USP6: variants seen among roughly 807,000 people sequenced by gnomAD.
USP6 encodes the protein ubiquitin carboxyl-terminal hydrolase 6.
In USP6, 128 loss-of-function variants were observed where a neutral mutation model predicts 175.7. That is an observed-to-expected ratio of 0.73 (90% CI 0.63 to 0.84). The LOEUF is 0.84. USP6 is among the 40% of genes least tolerant of loss of function. USP6 has a pLI of 0.00. For synonymous variants in USP6, 562 were observed against 630.6 expected (o/e 0.89, Z 1.63); for missense variants, 1,498 against 1,760.3 (o/e 0.85, Z 2.67).
chr17:5,124,387 G>A (rs1046576757), intron 4 of USP6, among the ~76,000 whole-genome samples, 179 bp from the exon 5 acceptor site: 1 of 152,194 alleles, frequency 6.6e-6, no homozygotes, highest in African/African-American at 2.4e-5. Flanking sequence ...GCTGTTGCCT[G>A]GCTTTCCAGA....
chr17:5,133,955 T>C lies in USP6; in HGVS notation c.453T>C (p.Thr151=). The C allele has an allele frequency of 2.5e-6, 4 of 1,614,068 alleles. No homozygotes were observed. Among genetic ancestry groups the C allele is most frequent in the Non-Finnish European group, 3.4e-6 (4 of 1,180,010 alleles). The change falls in exon 15 of 38, where the codon ACT becomes ACC. Residue 151 remains threonine, a synonymous_variant. Transcript: ENST00000574788. ...IHHIDLDVRT[T]LRNHVFFRDR... ...ACATCGACCTGGACGTGAGGACGAC[T>C]CTCCGGAACCATGTCTTCTTTAGGG...
rs1817538623 is a variant in USP6 at position 5,168,823 on chromosome 17, A to G, written c.3285A>G (p.Lys1095=). Residue 1095 remains lysine, a synonymous_variant, in exon 35 of 38, where the codon AAA becomes AAG. Transcript: ENST00000574788. ...FVNDQWIKSQ[K]IVRFLRESFD... ...ATGATCAGTGGATAAAATCACAGAA[A>G]ATTGTCAGATTTCTTCGGGAAAGTT... 6.2e-7 allele frequency: 1 copy of G among 1,610,784 alleles called. No homozygotes were observed. Among genetic ancestry groups the G allele is most frequent in the Non-Finnish European group, 8.5e-7 (1 of 1,178,798 alleles).
intron 30 of USP6, among the ~76,000 whole-genome samples, chr17:5,151,441 G>GTGTGTA (rs1443210452): frequency 6.6e-6 from 1 of 150,930 alleles, no homozygotes; most frequent in African/African-American, 2.4e-5. Flanking sequence ...ATGTGTGTGT[G>GTGTGTA]TGTGTGTGTG....
chr17:5,130,931 C>T (rs571412756), intron 11 of USP6, among the ~76,000 whole-genome samples: 28 of 152,324 alleles, frequency 1.8e-4, no homozygotes, highest in Admixed American at 3.3e-4. Context: ...GGCCCCTGGG[C>T]TCTCAGCAGT....
intron 2 of USP6, among the ~76,000 whole-genome samples, chr17:5,118,536 A>G (rs1345836229): frequency 6.6e-6 from 1 of 152,196 alleles, no homozygotes; most frequent in Non-Finnish European, 1.5e-5. Context: ...GAGGATGGGT[A>G]TGTGTTAACA....
At chr17:5,129,750 A>G (rs1597984960) in intron 8 of USP6, 186 bp from the exon 9 acceptor site, 1 of 158,042 alleles carries the variant, frequency 6.3e-6, no homozygotes, top group Non-Finnish European at 1.4e-5. Flanking sequence ...CCTGAGAGAC[A>G]TGGTTTCCAT....
chr17:5,155,323 GA>G, intron 30 of USP6, 98 bp from the exon 31 acceptor site: 5 of 1,354,394 alleles, frequency 3.7e-6, no homozygotes, highest in Non-Finnish European at 5.2e-6. Flanking sequence ...TGACTAATTT[GA>G]AATGGTGATA....
intron 18 of USP6, 70 bp downstream of exon 18, chr17:5,136,804 T>C: frequency 6.3e-7 from 1 of 1,581,422 alleles, no homozygotes; most frequent in Non-Finnish European, 8.7e-7. Context: ...GCAGGGGGAC[T>C]GGAGTCCCTT....
intron 4 of USP6, chr17:5,123,133 C>T (rs963708332): frequency 1.3e-5 from 2 of 150,378 alleles, no homozygotes; most frequent in African/African-American, 2.5e-5. Flanking sequence ...GCGGCGGCAG[C>T]GGCCGGCGCT....
At position 5,122,206 on chromosome 17, in the gene USP6, G is replaced by A. The variant is rs553426344; in HGVS notation, c.-1299+456G>A. On this transcript the variant is annotated intron_variant, in intron 4 of 37. Transcript: ENST00000574788. ...GAGAGGTTATAGCTCAAAACAGCAG[G>A]ACTGGATGCCTGGATCTCAGGGTAA... Among the ~76,000 whole-genome samples, 17 of 152,126 alleles carry A rather than the reference G, an allele frequency of 1.1e-4. No homozygotes were observed. In the East Asian group the frequency reaches 1.7e-3, roughly 16 times the overall value.
At chr17:5,134,834 G>A (rs1012036305) in intron 15 of USP6, 34 of 311,920 alleles carry the variant, frequency 1.1e-4, no homozygotes, top group Non-Finnish European at 1.2e-4. Context: ...AGGGGCTGAC[G>A]GATCGGGGAG....
chr17:5,156,349 C>T (rs1395153746), intron 31 of USP6, among the ~76,000 whole-genome samples: 3 of 151,218 alleles, frequency 2.0e-5, no homozygotes, highest in Non-Finnish European at 2.9e-5. Flanking sequence ...CTCTTGTTGC[C>T]CAGGTTGGAG....
In USP6 at chr17:5,171,582, T is replaced by C. The variant is rs1463501389; in HGVS notation, c.3955-5T>C. 6 of 1,613,566 alleles carry C rather than the reference T, an allele frequency of 3.7e-6. No homozygotes were observed. The highest frequency in any genetic ancestry group is 8.5e-7 in the Non-Finnish European group (1 of 1,179,718). On this transcript the variant is annotated splice_polypyrimidine_tract_variant and splice_region_variant and intron_variant, in intron 36 of 37. Transcript: ENST00000574788. ...AACATACCTCCACTCTCTTATCTCT[T>C]ACAGTGCCATTCAGGAATTCTGAGT...
chr17:5,131,624 G>A (rs2143834810), intron 11 of USP6, among the ~76,000 whole-genome samples: 1 of 151,482 alleles, frequency 6.6e-6, no homozygotes, highest in African/African-American at 2.4e-5. Flanking sequence ...AGGGGAATGG[G>A]GGAGAAGATG....
intron 37 of USP6, among the ~76,000 whole-genome samples, 173 bp from the exon 38 acceptor site, chr17:5,172,632 A>C (rs539887684): frequency 5.3e-5 from 8 of 152,220 alleles, no homozygotes; most frequent in African/African-American, 1.7e-4. Flanking sequence ...CAAAGCAAAC[A>C]TTGGAAATAA....
rs1416474308 is a variant in USP6 at position 5,133,478 on chromosome 17, C to T, written c.312C>T (p.Asn104=). Residue 104 remains asparagine (N), a synonymous_variant, in exon 14 of 38, where the codon AAC becomes AAT. Transcript: ENST00000574788. The part of the protein sequence containing the change: ...IDRVYKGIPM[N]IRGPVWSVLL... ...GAGTGTACAAGGGAATTCCCATGAA[C>T]ATCCGGGGCCCGGTGTGGTCAGTCC... 3.7e-6 allele frequency: 6 copies of T among 1,611,664 alleles called. No homozygotes were observed. Among genetic ancestry groups the T allele is most frequent in the South Asian group, 1.1e-5 (1 of 90,994 alleles).
At chr17:5,127,884 C>G (rs979446164) in intron 7 of USP6, among the ~76,000 whole-genome samples, 1 of 152,206 alleles carries the variant, frequency 6.6e-6, no homozygotes, top group Non-Finnish European at 1.5e-5. Context: ...ACAACGTCTG[C>G]ACATGTTCAG....
chr17:5,173,673 A>T lies in USP6; in HGVS notation c.*695A>T, dbSNP rs2074270768. 4.6e-6 allele frequency: 1 copy of T among 218,688 alleles called. No individual in the cohort carries two copies. Among genetic ancestry groups the T allele is most frequent in the Non-Finnish European group, 9.2e-6 (1 of 108,634 alleles). 13.5% of individuals were successfully genotyped at this position (218,688 alleles called of 1,614,324 possible). A position where few individuals can be genotyped will look rare whatever the true frequency, so the allele number is the denominator to read the frequency against. On this transcript the variant is annotated 3_prime_UTR_variant, in exon 38 of 38. Transcript: ENST00000574788. ...AACCAGAGGGAGACCCAGTAGAAAG[A>T]AAAACATCCTGGGAAATCCAGCTAC...
At position 5,142,393 on chromosome 17, in the gene USP6, C is replaced by G. The variant is rs769852769; in HGVS notation, c.1713-4C>G. On this transcript the variant is annotated splice_region_variant and splice_polypyrimidine_tract_variant and intron_variant, in intron 24 of 37. Coordinates refer to ENST00000574788, the MANE Select transcript of USP6 (RefSeq NM_001304284.2). ...GGCAACAAATTTTCCTCTCAAACTT[C>G]TAGGACAAATCCCATTGGTATGAAG... The G allele has an allele frequency of 6.2e-7, 1 of 1,611,000 alleles. No homozygotes were observed. The highest frequency in any genetic ancestry group is 8.5e-7 in the Non-Finnish European group (1 of 1,178,496).
Sources: allele counts gnomAD v4.1 joint callset (sites outside exome capture counted in the v4.1 genomes callset), GRCh38; gene constraint gnomAD v4.1.1; transcripts MANE v1.5; gene names NCBI Gene and HGNC (gene_info 2026-07-23, HGNC 2026-07-21).